Variants in GNG2 observed in about 807,000 individuals in gnomAD.
GNG2 encodes G protein subunit gamma 2, also known as guanine nucleotide-binding protein G(I)/G(S)/G(O) subunit gamma-2.
A neutral mutation model predicts 5.5 loss-of-function variants in GNG2; 5 were observed. The ratio of observed to expected loss-of-function variants is 0.91; its 90% confidence interval spans 0.48 to 1.92. The LOEUF is 1.92. Ranked by LOEUF, GNG2 falls within the 30% of genes most tolerant of loss-of-function variation. The pLI is 0.01. For missense variants in GNG2, 55 were observed against 88.4 expected (o/e 0.62, Z 1.52); for synonymous variants, 28 against 32.0 (o/e 0.88, Z 0.42).
At chr14:51,928,220 C>A (rs892394987) in intron 2 of GNG2, among the ~76,000 whole-genome samples, 1 of 151,746 alleles carries the variant, frequency 6.6e-6, no homozygotes, top group Admixed American at 6.6e-5. Context: ...TTAGTAGAGA[C>A]GGGGTTTCAC....
intron 2 of GNG2, among the ~76,000 whole-genome samples, chr14:51,891,925 T>A (rs953908897): frequency 6.6e-6 from 1 of 152,212 alleles, no homozygotes; most frequent in Non-Finnish European, 1.5e-5. Flanking sequence ...TTCAGGAGTT[T>A]TTCTAGGACG....
At chr14:51,841,219 C>T (rs551523943) in intron 2 of GNG2, among the ~76,000 whole-genome samples, 270 of 152,286 alleles carry the variant, frequency 1.8e-3, no homozygotes, top group Non-Finnish European at 2.8e-3. Flanking sequence ...AGGAGACCCC[C>T]ACATTTTAAG....
At chr14:51,889,951 G>T (rs1036189894) in intron 2 of GNG2, among the ~76,000 whole-genome samples, 2 of 152,242 alleles carry the variant, frequency 1.3e-5, no homozygotes, top group South Asian at 4.1e-4. Flanking sequence ...TGTCAGTAAA[G>T]CATCTTAGCT....
chr14:51,896,563 G>C (rs911658896), intron 2 of GNG2, among the ~76,000 whole-genome samples: 1 of 152,060 alleles, frequency 6.6e-6, no homozygotes, highest in Non-Finnish European at 1.5e-5. Context: ...TAAGAGCTTT[G>C]GGTTTTATTA....
chr14:51,861,352 T>G (rs1250346322), intron 1 of GNG2: 1 of 152,242 alleles, frequency 6.6e-6, no homozygotes, highest in African/African-American at 2.4e-5. Flanking sequence ...CTTGTGCAGC[T>G]GCTTTCAGGA....
chr14:51,838,936 A>C (rs1881411602), intron 2 of GNG2, among the ~76,000 whole-genome samples: 1 of 152,202 alleles, frequency 6.6e-6, no homozygotes, highest in African/African-American at 2.4e-5. Flanking sequence ...GACACTCAGC[A>C]ATAAGTGACC....
chr14:51,944,127 C>T (rs1171680761), intron 2 of GNG2, among the ~76,000 whole-genome samples: 2 of 152,066 alleles, frequency 1.3e-5, no homozygotes, highest in African/African-American at 2.4e-5. Context: ...ATAAAGAGCA[C>T]AGAAATAAAC....
intron 2 of GNG2, among the ~76,000 whole-genome samples, chr14:51,937,806 G>C (rs1042854879): frequency 1.3e-5 from 2 of 152,292 alleles, no homozygotes; most frequent in African/African-American, 2.4e-5. Context: ...AAACAAGTGT[G>C]TTACCAGCCC....
intron 2 of GNG2, among the ~76,000 whole-genome samples, chr14:51,931,848 T>C (rs1887675137): frequency 6.6e-6 from 1 of 152,068 alleles, no homozygotes; most frequent in Non-Finnish European, 1.5e-5. Context: ...TCAAAAGAAT[T>C]GAAAGCAGGA....
intron 2 of GNG2, among the ~76,000 whole-genome samples, chr14:51,928,404 T>C (rs1009394720): frequency 1.3e-5 from 2 of 152,092 alleles, no homozygotes; most frequent in Non-Finnish European, 2.9e-5. Flanking sequence ...ACAGATAATA[T>C]CATCCCAGCA....
chr14:51,928,611 TA>T (rs577775034), intron 2 of GNG2, among the ~76,000 whole-genome samples: 1 of 151,894 alleles, frequency 6.6e-6, no homozygotes, highest in African/African-American at 2.4e-5. Context: ...TATCTCATCC[TA>T]AAAAAACACT....
At chr14:51,847,875 CTTTTTCTTTT>C (rs1881699648) in intron 2 of GNG2, among the ~76,000 whole-genome samples, 1 of 66,148 alleles carries the variant, frequency 1.5e-5, no homozygotes, top group East Asian at 5.6e-4. Context: ...AATACAGGTC[CTTTTTCTTTT>C]TTTTTTTTTT....
chr14:51,831,389 G>T (rs1881183442), intron 2 of GNG2, among the ~76,000 whole-genome samples: 1 of 152,180 alleles, frequency 6.6e-6, no homozygotes, highest in Admixed American at 6.5e-5. Context: ...ATAGTCCCCA[G>T]TACTTAGAAC....
intron 1 of GNG2, among the ~76,000 whole-genome samples, chr14:51,862,604 G>A (rs1221564167): frequency 6.6e-6 from 1 of 152,244 alleles, no homozygotes; most frequent in Admixed American, 6.5e-5. Context: ...CTTTGTTTGG[G>A]GAGGCACAGA....
chr14:51,842,827 G>C (rs558731850), intron 2 of GNG2, among the ~76,000 whole-genome samples: 229 of 152,160 alleles, frequency 1.5e-3, no homozygotes, highest in South Asian at 7.5e-3. Flanking sequence ...ACCACACCCA[G>C]CTAATTTTTG....
chr14:51,946,972 G>C (rs2140277449), intron 2 of GNG2, among the ~76,000 whole-genome samples: 1 of 152,310 alleles, frequency 6.6e-6, no homozygotes, highest in East Asian at 1.9e-4. Flanking sequence ...GATTCTAAAA[G>C]TGGTGCTCGA....
chr14:51,964,240 C>T (rs950913957), intron 3 of GNG2, among the ~76,000 whole-genome samples: 1 of 152,172 alleles, frequency 6.6e-6, no homozygotes, highest in African/African-American at 2.4e-5. Context: ...AAGCATGGAA[C>T]AGATTCTCGC....
intron 2 of GNG2, among the ~76,000 whole-genome samples, chr14:51,936,540 AT>A (rs35190987): frequency 0.048 from 6,198 of 129,354 alleles, 173 homozygotes; most frequent in East Asian, 0.14. Flanking sequence ...TACTCCATTG[AT>A]TTTTTTTTTT....
rs981059029 is a variant in GNG2, at chr14:51,860,690, G to T, written c.-171G>T. 1 of 152,970 alleles carries T rather than the reference G, an allele frequency of 6.5e-6. No homozygotes were observed. The highest frequency in any genetic ancestry group is 1.5e-5 in the Non-Finnish European group (1 of 68,760). 9.5% of individuals were successfully genotyped at this position (152,970 alleles called of 1,614,324 possible). On this transcript the variant is annotated 5_prime_UTR_variant, in exon 1 of 4. Transcript: ENST00000556766. Reference sequence around the variant, plus strand: ...CCGTGGGCAACTCCTACTACTGCTGGGCTGGGCTGGGCTGGGCTGGGCTGC... The same window carrying T: ...CCGTGGGCAACTCCTACTACTGCTGTGCTGGGCTGGGCTGGGCTGGGCTGC...
Sources: allele counts gnomAD v4.1 joint callset (sites outside exome capture counted in the v4.1 genomes callset), GRCh38; gene constraint gnomAD v4.1.1; transcripts MANE v1.5; gene names NCBI Gene and HGNC (gene_info 2026-07-23, HGNC 2026-07-21).